The following FHIT variants were observed in gnomAD, a reference collection of about 807,000 sequenced individuals.
The protein encoded by FHIT is fragile histidine triad diadenosine triphosphatase.
Under a neutral mutation model 17.9 loss-of-function variants are expected in FHIT, and 19 were observed. The observed-to-expected ratio is 1.06, with a 90% confidence interval of 0.74 to 1.56. FHIT has a LOEUF of 1.56. FHIT is among the 40% of genes most tolerant of loss of function. The pLI is 0.00. For synonymous variants in FHIT, 81 were observed against 69.7 expected (o/e 1.16, Z -0.81); for missense variants, 248 against 189.2 (o/e 1.31, Z -1.82).
intron 5 of FHIT, among the ~76,000 whole-genome samples, chr3:60,362,322 C>T (rs1254769711): frequency 1.3e-5 from 2 of 152,110 alleles, no homozygotes; most frequent in East Asian, 1.9e-4. Flanking sequence ...TATATATCTG[C>T]TGGTTGATAT....
intron 5 of FHIT, among the ~76,000 whole-genome samples, chr3:60,130,793 A>ACACATATATATGTGTGTGTGTGTG (rs1165614900): frequency 0.17 from 24,188 of 139,442 alleles, 2,915 homozygotes; most frequent in South Asian, 0.25. Context: ...TGGTGTGTAT[A>ACACATATATATGTGTGTGTGTGTG]TACACACATA....
chr3:61,099,338 AT>A (rs947917220), intron 2 of FHIT, among the ~76,000 whole-genome samples: 1 of 151,894 alleles, frequency 6.6e-6, no homozygotes, highest in African/African-American at 2.4e-5. Context: ...TAGGTCAAAG[AT>A]TTTTGCATCA....
At chr3:60,838,270 C>T (rs1331315588) in intron 3 of FHIT, among the ~76,000 whole-genome samples, 1 of 151,948 alleles carries the variant, frequency 6.6e-6, no homozygotes, top group Non-Finnish European at 1.5e-5. Context: ...CTCAGGAGTT[C>T]GCGACGAACC....
intron 4 of FHIT, among the ~76,000 whole-genome samples, chr3:60,634,844 T>A (rs2039539260): frequency 6.6e-6 from 1 of 152,238 alleles, no homozygotes; most frequent in Non-Finnish European, 1.5e-5. Flanking sequence ...ACATGATTTC[T>A]TTTGCATTCC....
chr3:59,784,100 C>G (rs1388458374), intron 8 of FHIT, among the ~76,000 whole-genome samples: 1 of 152,170 alleles, frequency 6.6e-6, no homozygotes, highest in East Asian at 1.9e-4. Context: ...AATGATTGGA[C>G]CGACCTGCTC....
At chr3:60,968,665 C>G (rs559301151) in intron 3 of FHIT, among the ~76,000 whole-genome samples, 1 of 152,290 alleles carries the variant, frequency 6.6e-6, no homozygotes, top group East Asian at 1.9e-4. Flanking sequence ...CCCGCCTTGG[C>G]CTCCCAAAGT....
At chr3:59,875,246 G>A (rs1033144517) in intron 8 of FHIT, among the ~76,000 whole-genome samples, 1 of 151,716 alleles carries the variant, frequency 6.6e-6, no homozygotes, top group African/African-American at 2.4e-5. Context: ...AAGCCTGAGG[G>A]AAAGCAATCT....
At chr3:60,548,144 C>A (rs569112) in intron 4 of FHIT, among the ~76,000 whole-genome samples, 46 of 1,506 alleles carry the variant, frequency 0.031, no homozygotes, top group African/African-American at 0.14. Context: ...AGAGAGAGAG[C>A]GAGAGAGAGA....
intron 4 of FHIT, among the ~76,000 whole-genome samples, chr3:60,635,758 A>G (rs1227058819): frequency 3.3e-5 from 5 of 152,166 alleles, no homozygotes; most frequent in Non-Finnish European, 7.3e-5. Context: ...TGACCTTTAT[A>G]TAATAGAAAA....
chr3:60,513,168 G>A (rs2107547424), intron 5 of FHIT, among the ~76,000 whole-genome samples: 1 of 152,294 alleles, frequency 6.6e-6, no homozygotes, highest in East Asian at 1.9e-4. Flanking sequence ...TTGGCACAAA[G>A]GAAGTGTCTA....
chr3:60,272,918 G>A (rs1706936261), intron 5 of FHIT, among the ~76,000 whole-genome samples: 1 of 152,172 alleles, frequency 6.6e-6, no homozygotes, highest in East Asian at 1.9e-4. Flanking sequence ...CCCTTGAGTT[G>A]GTCCTTGAAG....
intron 4 of FHIT, among the ~76,000 whole-genome samples, chr3:60,697,398 C>T (rs1307327384): frequency 6.6e-6 from 1 of 152,092 alleles, no homozygotes; most frequent in Non-Finnish European, 1.5e-5. Flanking sequence ...TTAAACTGTT[C>T]ATACATGTCA....
intron 5 of FHIT, among the ~76,000 whole-genome samples, chr3:60,389,190 C>G (rs558548114): frequency 6.6e-6 from 1 of 152,252 alleles, no homozygotes; most frequent in African/African-American, 2.4e-5. Context: ...TGTGTATTCT[C>G]AGGCTTTATC....
intron 5 of FHIT, among the ~76,000 whole-genome samples, chr3:60,073,679 C>T (rs1702881380): frequency 6.6e-6 from 1 of 152,068 alleles, no homozygotes. Flanking sequence ...CGAAGTCACC[C>T]TACTAAGTAA....
intron 4 of FHIT, among the ~76,000 whole-genome samples, chr3:60,560,729 C>T: frequency 6.6e-6 from 1 of 150,920 alleles, no homozygotes; most frequent in Non-Finnish European, 1.5e-5. Context: ...CGGTCCTTTA[C>T]TTTTAGGTGA....
chr3:60,549,402 G>A (rs1027046687), intron 4 of FHIT, among the ~76,000 whole-genome samples: 12 of 152,070 alleles, frequency 7.9e-5, no homozygotes, highest in African/African-American at 2.7e-4. Context: ...ACAACCCTAT[G>A]AGGAAGGTCC....
chr3:60,955,714 C>T (rs1198543186), intron 3 of FHIT, among the ~76,000 whole-genome samples: 1 of 147,734 alleles, frequency 6.8e-6, no homozygotes, highest in Non-Finnish European at 1.5e-5. Flanking sequence ...ATGGATACTT[C>T]ATCCAGTACA....
intron 5 of FHIT, among the ~76,000 whole-genome samples, chr3:60,268,385 A>G (rs1576395381): frequency 6.6e-6 from 1 of 152,174 alleles, no homozygotes; most frequent in Non-Finnish European, 1.5e-5. Flanking sequence ...TCATTTGTCT[A>G]TTCAAAACCT....
At chr3:60,875,387 C>T (rs1426596249) in intron 3 of FHIT, among the ~76,000 whole-genome samples, 2 of 152,126 alleles carry the variant, frequency 1.3e-5, no homozygotes, top group East Asian at 3.9e-4. Flanking sequence ...AATGGCTGCC[C>T]ATCAACATAC....
Sources: allele counts gnomAD v4.1 joint callset (sites outside exome capture counted in the v4.1 genomes callset), GRCh38; gene constraint gnomAD v4.1.1; transcripts MANE v1.5; gene names NCBI Gene and HGNC (gene_info 2026-07-23, HGNC 2026-07-21).